The following LARP1B variants were observed in gnomAD, a reference collection of about 807,000 sequenced individuals.
The protein encoded by LARP1B is la-related protein 1B.
In LARP1B, 76 loss-of-function variants were observed where a neutral mutation model predicts 114.2. The ratio of observed to expected loss-of-function variants is 0.67; its 90% CI spans 0.55 to 0.81. The LOEUF is 0.81. Ranked by LOEUF, LARP1B falls within the 30% of genes least tolerant of loss-of-function variation. The pLI is 0.00. For synonymous variants in LARP1B, 345 were observed against 348.0 expected (o/e 0.99, Z 0.10); for missense variants, 1,014 against 1,075.8 (o/e 0.94, Z 0.80).
intron 1 of LARP1B, chr4:128,061,944 CCCTGGCGCTGCA>C (rs1388674669): frequency 2.0e-6 from 2 of 985,098 alleles, no homozygotes; most frequent in South Asian, 9.4e-5. Flanking sequence ...CCCGTGAGGC[CCCTGGCGCTGCA>C]CCTGGCGCAC....
chr4:128,143,796 G>GGTGTGTGTGTGTGTGTGTGTGTGTGTGT (rs72408437), intron 11 of LARP1B, among the ~76,000 whole-genome samples: 19 of 147,840 alleles, frequency 1.3e-4, no homozygotes, highest in Non-Finnish European at 1.9e-4. Context: ...TAAGGCACAG[G>GGTGTGTGTGTGTGTGTGTGTGTGTGTGT]GTGTGTGTGT....
chr4:128,082,153 GTTTTC>G lies in LARP1B; in HGVS notation c.218-9_218-5del, dbSNP rs1264017208. ...TGTACATTTGTCCTTAAATGATTTTGTTTTCTTCAAGCTAATAAGCACAAGTGGGT... is the reference window on the plus strand; with the variant it reads ...TGTACATTTGTCCTTAAATGATTTTGTTCAAGCTAATAAGCACAAGTGGGT... On this transcript the variant is annotated splice_region_variant and splice_polypyrimidine_tract_variant and intron_variant, in intron 4 of 19. Transcript: ENST00000326639. The G allele has an allele frequency of 6.2e-7, 1 of 1,606,158 alleles. No individual in the cohort carries two copies. Among genetic ancestry groups the G allele is most frequent in the African/African-American group, 1.3e-5 (1 of 74,632 alleles).
chr4:128,203,269 C>T (rs1256630087), intron 17 of LARP1B, among the ~76,000 whole-genome samples: 1 of 152,052 alleles, frequency 6.6e-6, no homozygotes, highest in Non-Finnish European at 1.5e-5. Flanking sequence ...ATTTAAAGGG[C>T]TTAACACATT....
At chr4:128,144,398 CATTA>C (rs1475068034) in intron 11 of LARP1B, among the ~76,000 whole-genome samples, 3 of 152,176 alleles carry the variant, frequency 2.0e-5, no homozygotes, top group South Asian at 4.2e-4. Context: ...ACATTTCAGT[CATTA>C]ATTCTTCAAA....
intron 3 of LARP1B, 111 bp downstream of exon 3, chr4:128,075,104 ATTTT>A (rs938134184): frequency 2.8e-6 from 2 of 724,232 alleles, no homozygotes; most frequent in Admixed American, 2.7e-5. Flanking sequence ...TGGGGGACAG[ATTTT>A]TTTTATTTTT....
At chr4:128,123,163 T>C (rs899752822) in intron 11 of LARP1B, 98 of 985,330 alleles carry the variant, frequency 9.9e-5, no homozygotes, top group Non-Finnish European at 1.1e-4. Flanking sequence ...ATTTCTTTTC[T>C]TCCTGGAATC....
chr4:128,108,057 T>G, intron 9 of LARP1B: 2 of 1,466,932 alleles, frequency 1.4e-6, no homozygotes, highest in South Asian at 1.4e-5. Context: ...GTGGAGGAAG[T>G]TGGGCCAACA....
chr4:128,168,393 C>G (rs1399074527), intron 12 of LARP1B, among the ~76,000 whole-genome samples: 2 of 151,878 alleles, frequency 1.3e-5, no homozygotes, highest in Non-Finnish European at 2.9e-5. Flanking sequence ...AAAGTGCCTG[C>G]TCAAATCTTT....
At chr4:128,061,885 G>A in intron 1 of LARP1B, 1 of 985,070 alleles carries the variant, frequency 1.0e-6, no homozygotes. Context: ...CGCGGGGAGA[G>A]CCGTCGCCGG....
At chr4:128,195,434 A>T (rs1014568688) in intron 15 of LARP1B, among the ~76,000 whole-genome samples, 1 of 152,078 alleles carries the variant, frequency 6.6e-6, no homozygotes, top group African/African-American at 2.4e-5. Context: ...GCTCCCTGTG[A>T]TAAGTATGCC....
chr4:128,093,754 A>G (rs1776750014), intron 7 of LARP1B, among the ~76,000 whole-genome samples: 1 of 137,504 alleles, frequency 7.3e-6, no homozygotes, highest in Non-Finnish European at 1.5e-5. Flanking sequence ...CTCGTTGTGC[A>G]GGCTGGAGTG....
At chr4:128,184,598 A>G (rs1235167665) in intron 15 of LARP1B, among the ~76,000 whole-genome samples, 1 of 151,982 alleles carries the variant, frequency 6.6e-6, no homozygotes, top group Non-Finnish European at 1.5e-5. Flanking sequence ...ATCTTTTTGC[A>G]TACCAACCTT....
intron 9 of LARP1B, chr4:128,108,562 T>C (rs1782880680): frequency 4.1e-6 from 4 of 985,582 alleles, no homozygotes; most frequent in South Asian, 9.4e-5. Context: ...TTTTATCATA[T>C]GTTTCTTTGT....
At chr4:128,129,082 G>C (rs537783329) in intron 11 of LARP1B, among the ~76,000 whole-genome samples, 28 of 146,900 alleles carry the variant, frequency 1.9e-4, no homozygotes, top group Admixed American at 3.5e-4. Context: ...GGAGAATGGC[G>C]TGAACCCGGG....
intron 15 of LARP1B, among the ~76,000 whole-genome samples, chr4:128,191,499 A>G (rs1474148064): frequency 6.6e-6 from 1 of 152,136 alleles, no homozygotes; most frequent in East Asian, 1.9e-4. Context: ...CTTAAGCCCA[A>G]GTTTGCCTTG....
intron 12 of LARP1B, among the ~76,000 whole-genome samples, chr4:128,167,202 A>T (rs554538895): frequency 1.3e-5 from 2 of 151,870 alleles, no homozygotes; most frequent in South Asian, 4.2e-4. Flanking sequence ...TTCTATGGTG[A>T]TGATTTCATT....
rs575435059 is a variant in LARP1B, at chr4:128,077,793, G to T, written c.48G>T (p.Gln16His). ...TPSELVNTGF[Q>H]SVLSQGNKKP... ...TTCTGAAAACCTTTTTGCAGTTTCA[G>T]AGCGTCCTCAGCCAAGGAAATAAAA... Residue 16 changes from glutamine to histidine, a missense_variant, in exon 4 of 20, where the codon CAG (glutamine) becomes CAT (histidine). Gln to His is a conservative substitution (Grantham distance 24). Transcript: ENST00000326639. 1.3e-6 allele frequency: 2 copies of T among 1,564,784 alleles called. No individual in the cohort carries two copies. The highest frequency in any genetic ancestry group is 2.5e-5 in the South Asian group (2 of 80,682).
chr4:128,210,536 G>T lies in LARP1B; in HGVS notation c.*483G>T. The stretch of plus-strand genomic sequence containing the variant: ...TCATATTTGAACTTACCAAAACAAA[G>T]GAGGATTACGTATATGTTTTTTAAA... On this transcript the variant is annotated 3_prime_UTR_variant, in exon 20 of 20. Coordinates refer to ENST00000326639, the MANE Select transcript of LARP1B (RefSeq NM_018078.4). The T allele has an allele frequency of 1.0e-6, 1 of 971,650 alleles. No homozygotes were observed. Among genetic ancestry groups the T allele is most frequent in the Non-Finnish European group, 1.2e-6 (1 of 816,896 alleles). The allele number at this position is 971,650 out of a possible 1,614,324, so 60.2% of individuals were successfully genotyped here. A position where few individuals can be genotyped will look rare whatever the true frequency, so the allele number is the denominator to read the frequency against.
chr4:128,179,347 T>C, intron 14 of LARP1B, 59 bp from the exon 15 acceptor site: 1 of 1,036,664 alleles, frequency 9.6e-7, no homozygotes, highest in Admixed American at 2.4e-5. Context: ...GGGTTTTAAT[T>C]TACTTGTGAA....
Sources: allele counts gnomAD v4.1 joint callset (sites outside exome capture counted in the v4.1 genomes callset), GRCh38; gene constraint gnomAD v4.1.1; transcripts MANE v1.5; gene names NCBI Gene and HGNC (gene_info 2026-07-23, HGNC 2026-07-21).